The following CDH12 variants were observed in gnomAD, a reference collection of about 807,000 sequenced individuals.
The protein encoded by CDH12 is cadherin-12.
CDH12 carries 41 observed loss-of-function variants against 74.1 expected under a neutral mutation model. The observed-to-expected ratio is 0.55, with a 90% CI of 0.43 to 0.72. The LOEUF (loss-of-function observed/expected upper bound fraction) is 0.72. CDH12 is among the 30% of genes least tolerant of loss of function. The probability of loss-of-function intolerance (pLI) is 0.00; values close to 1 mark genes in which losing one functional copy is unlikely to be tolerated. For missense variants in CDH12, 945 were observed against 977.2 expected (o/e 0.97, Z 0.44); for synonymous variants, 399 against 355.0 (o/e 1.12, Z -1.39).
chr5:22,311,603 G>A (rs933534644), intron 3 of CDH12, among the ~76,000 whole-genome samples: 9 of 151,418 alleles, frequency 5.9e-5, no homozygotes, highest in African/African-American at 2.2e-4. Flanking sequence ...TCAGGAGGCT[G>A]AGGGCAGGAT....
intron 7 of CDH12, among the ~76,000 whole-genome samples, chr5:21,846,735 T>A (rs1405128653): frequency 1.3e-5 from 2 of 152,154 alleles, no homozygotes; most frequent in Non-Finnish European, 2.9e-5. Context: ...TTTGTTTTCT[T>A]GAAAAAAGTT....
chr5:22,515,070 G>T (rs1485107444), intron 1 of CDH12, among the ~76,000 whole-genome samples: 2 of 151,978 alleles, frequency 1.3e-5, no homozygotes, highest in African/African-American at 2.4e-5. Flanking sequence ...GGAGATAAAG[G>T]TATAATTTTA....
At chr5:22,824,730 C>T (rs747192934) in intron 1 of CDH12, among the ~76,000 whole-genome samples, 4 of 151,414 alleles carry the variant, frequency 2.6e-5, no homozygotes, top group Non-Finnish European at 4.4e-5. Flanking sequence ...ATAAAAATTA[C>T]AAAATAAGAT....
intron 5 of CDH12, among the ~76,000 whole-genome samples, chr5:22,051,421 A>C (rs2150194511): frequency 6.6e-6 from 1 of 152,320 alleles, no homozygotes; most frequent in African/African-American, 2.4e-5. Context: ...AACATATGTA[A>C]CATGATATAA....
intron 1 of CDH12, among the ~76,000 whole-genome samples, chr5:22,843,067 T>C (rs1561070650): frequency 6.6e-6 from 1 of 152,068 alleles, no homozygotes; most frequent in Non-Finnish European, 1.5e-5. Flanking sequence ...CATTAAAGAA[T>C]AGAAGAGTAA....
At chr5:22,398,174 G>T (rs1252065064) in intron 3 of CDH12, among the ~76,000 whole-genome samples, 1 of 152,066 alleles carries the variant, frequency 6.6e-6, no homozygotes, top group African/African-American at 2.4e-5. Context: ...CAGCAGACCA[G>T]TAATATGGCA....
chr5:22,054,771 C>T (rs995162009), intron 5 of CDH12, among the ~76,000 whole-genome samples: 1 of 152,016 alleles, frequency 6.6e-6, no homozygotes, highest in Non-Finnish European at 1.5e-5. Context: ...TTAACTGGAT[C>T]TCTGAAAACA....
intron 5 of CDH12, among the ~76,000 whole-genome samples, chr5:22,019,291 A>T (rs1737808405): frequency 6.6e-6 from 1 of 152,170 alleles, no homozygotes; most frequent in African/African-American, 2.4e-5. Context: ...AAGCACATAC[A>T]GTATATACTT....
intron 2 of CDH12, among the ~76,000 whole-genome samples, chr5:22,430,968 A>G (rs935126840): frequency 3.3e-5 from 5 of 152,136 alleles, no homozygotes; most frequent in Admixed American, 2.6e-4. Flanking sequence ...ATGACAAGGT[A>G]GTCTATTTAT....
chr5:21,932,157 G>A (rs115158016), intron 6 of CDH12, among the ~76,000 whole-genome samples: 3,924 of 152,244 alleles, frequency 0.026, 147 homozygotes, highest in African/African-American at 0.076. Flanking sequence ...TTATTTTAAA[G>A]TGTTGGAATT....
chr5:21,825,460 A>G (rs1748618582), intron 8 of CDH12, among the ~76,000 whole-genome samples: 8 of 152,134 alleles, frequency 5.3e-5, no homozygotes, highest in Admixed American at 5.2e-4. Context: ...TTTCTTCTCA[A>G]TAGAGTTATT....
At chr5:22,455,283 T>C (rs951176747) in intron 2 of CDH12, among the ~76,000 whole-genome samples, 2 of 152,126 alleles carry the variant, frequency 1.3e-5, no homozygotes, top group Admixed American at 6.5e-5. Context: ...TTATTAACAT[T>C]TACAGTCTTT....
chr5:21,846,456 A>C (rs1329994593), intron 7 of CDH12, among the ~76,000 whole-genome samples: 1 of 152,138 alleles, frequency 6.6e-6, no homozygotes, highest in East Asian at 1.9e-4. Context: ...ACGCCACTTC[A>C]AGAGTATGTC....
intron 2 of CDH12, among the ~76,000 whole-genome samples, chr5:22,491,610 CA>C (rs11446320): frequency 0.059 from 7,115 of 120,850 alleles, 249 homozygotes; most frequent in East Asian, 0.15. Flanking sequence ...AGCTAATGAG[CA>C]AAAAAAAAAA....
At chr5:22,659,152 A>G (rs1037547095) in intron 1 of CDH12, among the ~76,000 whole-genome samples, 2 of 152,142 alleles carry the variant, frequency 1.3e-5, no homozygotes, top group African/African-American at 4.8e-5. Flanking sequence ...GATGTTTTCC[A>G]TATGTTGAAT....
intron 11 of CDH12, among the ~76,000 whole-genome samples, chr5:21,767,062 A>G (rs1468718843): frequency 6.6e-6 from 1 of 151,926 alleles, no homozygotes; most frequent in African/African-American, 2.4e-5. Context: ...TACTTACAAA[A>G]AGACAACTAA....
At chr5:22,165,513 T>TACAC (rs375658781) in intron 4 of CDH12, among the ~76,000 whole-genome samples, 109 of 53,846 alleles carry the variant, frequency 2.0e-3, no homozygotes, top group East Asian at 0.017. Context: ...CACACACACA[T>TACAC]ACACACACAC....
At chr5:22,065,424 G>C (rs187396742) in intron 5 of CDH12, among the ~76,000 whole-genome samples, 5 of 152,308 alleles carry the variant, frequency 3.3e-5, no homozygotes, top group Non-Finnish European at 5.9e-5. Context: ...TAATATTGCA[G>C]CACGGGGAGT....
intron 1 of CDH12, among the ~76,000 whole-genome samples, chr5:22,675,370 G>A (rs1340680130): frequency 6.6e-6 from 1 of 152,188 alleles, no homozygotes; most frequent in Non-Finnish European, 1.5e-5. Context: ...AAGAATTGAG[G>A]TTTGGGAACA....
Sources: gnomAD v4.1 joint callset for allele counts (sites outside exome capture counted in the v4.1 genomes callset) on GRCh38, gnomAD v4.1.1 for gene constraint, MANE v1.5 for transcripts, NCBI Gene and HGNC (gene_info 2026-07-23, HGNC 2026-07-21) for gene names.